The following PTPRT variants were observed in gnomAD, a reference collection of about 807,000 sequenced individuals.
PTPRT encodes receptor-type tyrosine-protein phosphatase T.
PTPRT carries 56 observed loss-of-function variants against 176.8 expected under a neutral mutation model. The ratio of observed to expected loss-of-function variants is 0.32; its 90% CI spans 0.26 to 0.40. The LOEUF (loss-of-function observed/expected upper bound fraction) is 0.40, where lower values mean the gene tolerates loss of function less well. Among genes scored for constraint, PTPRT ranks in the 10% least tolerant of loss-of-function variants. PTPRT has a pLI of 1.00. For synonymous variants in PTPRT, 783 were observed against 739.0 expected (o/e 1.06, Z -0.96); for missense variants, 1,540 against 1,908.2 (o/e 0.81, Z 3.60).
At chr20:42,382,227 C>T (rs2145636479) in intron 9 of PTPRT, among the ~76,000 whole-genome samples, 1 of 152,266 alleles carries the variant, frequency 6.6e-6, no homozygotes, top group Non-Finnish European at 1.5e-5. Flanking sequence ...CATACAATGG[C>T]ATCTATAGAG....
intron 16 of PTPRT, among the ~76,000 whole-genome samples, chr20:42,185,161 C>A (rs556977745): frequency 2.6e-5 from 4 of 152,290 alleles, no homozygotes; most frequent in African/African-American, 4.8e-5. Flanking sequence ...ATAGATTAAA[C>A]CCATGTAACA....
intron 3 of PTPRT, 70 bp from the exon 4 acceptor site, chr20:42,780,369 G>A: frequency 8.3e-7 from 1 of 1,200,736 alleles, no homozygotes. Flanking sequence ...AAGCTGCCCG[G>A]CCCCCAGCCC....
At chr20:42,564,142 G>A (rs1263616475) in intron 7 of PTPRT, among the ~76,000 whole-genome samples, 1 of 152,076 alleles carries the variant, frequency 6.6e-6, no homozygotes, top group East Asian at 1.9e-4. Flanking sequence ...AACTGCAAAG[G>A]GGCTGAGAGG....
chr20:42,142,668 C>G (rs1568966418), intron 17 of PTPRT, among the ~76,000 whole-genome samples: 2 of 152,076 alleles, frequency 1.3e-5, no homozygotes, highest in Non-Finnish European at 2.9e-5. Context: ...ACATACATAC[C>G]TATGATAAAG....
At chr20:42,340,881 T>C (rs2058101771) in intron 11 of PTPRT, among the ~76,000 whole-genome samples, 1 of 152,136 alleles carries the variant, frequency 6.6e-6, no homozygotes, top group Admixed American at 6.5e-5. Flanking sequence ...GGAGAAGGCA[T>C]CTTGCAAGGT....
chr20:42,317,491 G>T (rs557825025), intron 11 of PTPRT, among the ~76,000 whole-genome samples: 1 of 152,124 alleles, frequency 6.6e-6, no homozygotes, highest in Non-Finnish European at 1.5e-5. Flanking sequence ...ACCCACTGGA[G>T]ACTTCTGTGA....
intron 7 of PTPRT, among the ~76,000 whole-genome samples, chr20:42,602,200 T>C (rs1194227073): frequency 2.0e-5 from 3 of 152,174 alleles, no homozygotes; most frequent in Non-Finnish European, 2.9e-5. Flanking sequence ...TTTTCTTCTC[T>C]GCTTTTAAAG....
At chr20:42,174,611 C>T (rs1481253401) in intron 16 of PTPRT, among the ~76,000 whole-genome samples, 2 of 152,198 alleles carry the variant, frequency 1.3e-5, no homozygotes, top group Non-Finnish European at 2.9e-5. Flanking sequence ...CTCGGACAGT[C>T]TTCTGCCTTG....
the PTPRT span, among the ~76,000 whole-genome samples, chr20:42,054,789 C>G: frequency 6.6e-6 from 1 of 152,096 alleles, no homozygotes; most frequent in Non-Finnish European, 1.5e-5. Flanking sequence ...ACTGATATGC[C>G]GAATAGGTGC....
intron 1 of PTPRT, among the ~76,000 whole-genome samples, chr20:42,916,289 T>G (rs1978750036): frequency 6.6e-6 from 1 of 152,160 alleles, no homozygotes; most frequent in Non-Finnish European, 1.5e-5. Flanking sequence ...ACAAAGGACA[T>G]GAACTCATCA....
At chr20:43,138,418 G>A (rs1430072160) in intron 1 of PTPRT, among the ~76,000 whole-genome samples, 1 of 152,224 alleles carries the variant, frequency 6.6e-6, no homozygotes, top group African/African-American at 2.4e-5. Context: ...ATAGACATGA[G>A]CCATGCGACC....
chr20:42,170,538 C>T (rs1296582536), intron 16 of PTPRT, among the ~76,000 whole-genome samples: 1 of 152,070 alleles, frequency 6.6e-6, no homozygotes, highest in Non-Finnish European at 1.5e-5. Context: ...AACCAAAATG[C>T]AATACCAGAA....
chr20:42,046,271 C>T, the PTPRT span, among the ~76,000 whole-genome samples: 732 of 152,266 alleles, frequency 4.8e-3, 4 homozygotes, highest in Non-Finnish European at 7.7e-3. Flanking sequence ...CAGGTGTTGC[C>T]GACACTCTTC....
At chr20:42,193,259 C>T (rs562571433) in intron 16 of PTPRT, among the ~76,000 whole-genome samples, 3 of 152,370 alleles carry the variant, frequency 2.0e-5, no homozygotes, top group Non-Finnish European at 4.4e-5. Flanking sequence ...TTTGAGCATG[C>T]TTATCATAGT....
chr20:42,296,842 A>G (rs1030866368), intron 12 of PTPRT, among the ~76,000 whole-genome samples: 3 of 152,200 alleles, frequency 2.0e-5, no homozygotes, highest in Admixed American at 2.0e-4. Flanking sequence ...TTTGTAACTC[A>G]AAGGATAAAT....
At chr20:42,893,030 G>C (rs187919982) in intron 1 of PTPRT, among the ~76,000 whole-genome samples, 1,621 of 152,208 alleles carry the variant, frequency 0.011, 10 homozygotes, top group Non-Finnish European at 0.017. Flanking sequence ...GAAGAACTCA[G>C]AAATCAGGCT....
At chr20:42,974,005 A>G (rs1217562263) in intron 1 of PTPRT, among the ~76,000 whole-genome samples, 1 of 152,118 alleles carries the variant, frequency 6.6e-6, no homozygotes, top group Non-Finnish European at 1.5e-5. Flanking sequence ...GAGAGTGTGT[A>G]GAATGAAAGC....
At position 42,606,503 on chromosome 20, in the gene PTPRT, T is replaced by C. The variant is rs186321715; in HGVS notation, c.1153+71363A>G. On this transcript the variant is annotated intron_variant, in intron 7 of 30. Transcript: ENST00000373187. ...GGAATGACAGCCGCCATTCATATAA[T>C]ACCTTTTGGTTGATAAAACATGTTC... Among the ~76,000 whole-genome samples, 4 of 152,344 alleles carry C rather than the reference T, an allele frequency of 2.6e-5. No individual in the cohort carries two copies. The East Asian group carries it at 7.7e-4, about 29-fold the overall frequency.
intron 7 of PTPRT, among the ~76,000 whole-genome samples, chr20:42,564,245 T>C (rs1388918561): frequency 6.6e-6 from 1 of 152,230 alleles, no homozygotes; most frequent in Non-Finnish European, 1.5e-5. Context: ...TAGAAATATT[T>C]GGGATCAACT....
Sources: allele counts gnomAD v4.1 joint callset (sites outside exome capture counted in the v4.1 genomes callset), GRCh38; gene constraint gnomAD v4.1.1; transcripts MANE v1.5; gene names NCBI Gene and HGNC (gene_info 2026-07-23, HGNC 2026-07-21).